DRG1: variants seen among roughly 807,000 people sequenced by gnomAD.
The protein encoded by DRG1 is developmentally regulated GTP binding protein 1, also known as developmentally-regulated GTP-binding protein 1.
DRG1 carries 19 observed loss-of-function variants against 38.8 expected under a neutral mutation model. That is an observed-to-expected ratio of 0.49 (90% CI 0.34 to 0.72). The LOEUF is 0.72. Among genes scored for constraint, DRG1 ranks in the 30% least tolerant of loss-of-function variants. The probability of loss-of-function intolerance (pLI) is 0.01; values close to 1 mark genes in which losing one functional copy is unlikely to be tolerated. For synonymous variants in DRG1, 167 were observed against 157.5 expected, an observed-to-expected ratio of 1.06 and a Z score of -0.45; for missense variants, 299 against 444.8, an observed-to-expected ratio of 0.67 and a Z score of 2.95.
At position 31,409,177 on chromosome 22, in the gene DRG1, C is replaced by T. The variant is rs188638996; in HGVS notation, c.343-1835C>T. Among the ~76,000 whole-genome samples, 7 of 152,262 alleles carry T rather than the reference C, an allele frequency of 4.6e-5. No individual in the cohort carries two copies. The East Asian group carries it at 5.8e-4, about 13-fold the overall frequency. On this transcript the variant is annotated intron_variant, in intron 3 of 8. Coordinates refer to ENST00000331457, the MANE Select transcript of DRG1 (RefSeq NM_004147.4). ...TCGGCTCACTGCAACCTTCGACTGT[C>T]GGGTTCAAGCCATTCTTGTGCCTCA...
At chr22:31,415,517 G>A (rs931140611) in intron 4 of DRG1, among the ~76,000 whole-genome samples, 6 of 152,170 alleles carry the variant, frequency 3.9e-5, no homozygotes, top group East Asian at 3.9e-4. Flanking sequence ...GTGCCACCAC[G>A]CCTGGCTAAT....
chr22:31,418,292 TA>T (rs1242084351), intron 4 of DRG1, among the ~76,000 whole-genome samples: 8 of 150,738 alleles, frequency 5.3e-5, no homozygotes, highest in Admixed American at 4.6e-4. Flanking sequence ...AAATAAAAAT[TA>T]AAAAAAAGAA....
intron 4 of DRG1, among the ~76,000 whole-genome samples, chr22:31,420,015 C>T (rs920305806): frequency 2.0e-5 from 3 of 152,130 alleles, no homozygotes; most frequent in Non-Finnish European, 4.4e-5. Flanking sequence ...TGCACTCCAG[C>T]CTGGGCAACA....
chr22:31,423,188 G>A, intron 5 of DRG1, 92 bp from the exon 6 acceptor site: 1 of 1,513,792 alleles, frequency 6.6e-7, no homozygotes, highest in Non-Finnish European at 9.0e-7. Flanking sequence ...TTGCATCTTA[G>A]CTAGAATTTT....
chr22:31,406,163 G>A (rs1421484522), intron 3 of DRG1, among the ~76,000 whole-genome samples: 2 of 151,456 alleles, frequency 1.3e-5, no homozygotes, highest in Non-Finnish European at 2.9e-5. Context: ...CACCATGCCC[G>A]ACTAATTTTT....
At chr22:31,421,011 GA>G (rs1268187565) in intron 5 of DRG1, among the ~76,000 whole-genome samples, 2 of 152,112 alleles carry the variant, frequency 1.3e-5, no homozygotes, top group African/African-American at 4.8e-5. Flanking sequence ...TGGATATCTT[GA>G]AGAAGAGCAT....
At chr22:31,410,653 A>G (rs888000194) in intron 3 of DRG1, among the ~76,000 whole-genome samples, 4 of 152,100 alleles carry the variant, frequency 2.6e-5, no homozygotes, top group African/African-American at 9.7e-5. Flanking sequence ...GTCTGTACTA[A>G]AAATACAAAA....
chr22:31,403,977 CTTTTTT>C (rs11295429), intron 3 of DRG1, among the ~76,000 whole-genome samples: 82 of 81,802 alleles, frequency 1.0e-3, no homozygotes, highest in African/African-American at 3.7e-3. Flanking sequence ...AAGAGAATAA[CTTTTTT>C]TTTTTTTTTT....
intron 4 of DRG1, among the ~76,000 whole-genome samples, chr22:31,419,399 A>G (rs1036499755): frequency 1.3e-5 from 2 of 151,408 alleles, no homozygotes; most frequent in African/African-American, 4.9e-5. Flanking sequence ...TTTGTTGCAC[A>G]GGCTGGTCTC....
At position 31,434,349 on chromosome 22, in the gene DRG1, C is replaced by A; in HGVS notation, c.*378C>A. 1 of 202,904 alleles carries A rather than the reference C, an allele frequency of 4.9e-6. No homozygotes were observed. Among genetic ancestry groups the A allele is most frequent in the Non-Finnish European group, 1.0e-5 (1 of 99,964 alleles). 12.6% of individuals were successfully genotyped at this position (202,904 alleles called of 1,614,324 possible). On this transcript the variant is annotated 3_prime_UTR_variant, in exon 9 of 9. Coordinates refer to ENST00000331457, the MANE Select transcript of DRG1 (RefSeq NM_004147.4). ...TACTTGATGTTTACTTATGGGAACC[C>A]CTTCCAAACTAGATATGGCTTTCAG...
intron 7 of DRG1, 72 bp from the exon 8 acceptor site, chr22:31,426,988 G>A (rs2050114607): frequency 1.3e-6 from 2 of 1,593,326 alleles, no homozygotes; most frequent in Non-Finnish European, 1.7e-6. Context: ...CAGGGGTGAT[G>A]GAGGGTTGCT....
chr22:31,410,029 AT>A (rs1470207748), intron 3 of DRG1, among the ~76,000 whole-genome samples: 1 of 151,894 alleles, frequency 6.6e-6, no homozygotes, highest in African/African-American at 2.4e-5. Context: ...ATGTAGAATA[AT>A]GGATTTTGGC....
Position 31,429,168 on chromosome 22 carries a change from G to C in DRG1, c.1004+1986G>C, listed in dbSNP as rs1458462515. Among the ~76,000 whole-genome samples, 4 of 152,110 alleles carry C rather than the reference G, an allele frequency of 2.6e-5. 1 individual carries two copies. Among genetic ancestry groups the C allele is most frequent in the Non-Finnish European group, 4.4e-5 (3 of 68,030 alleles). Reference sequence around the variant, plus strand: ...ATGGTGTTTACCTAGCCATAGGCTGGAGTGTAGTGGCACGATATCAGCTCA... The same window carrying C: ...ATGGTGTTTACCTAGCCATAGGCTGCAGTGTAGTGGCACGATATCAGCTCA... On this transcript the variant is annotated intron_variant, in intron 8 of 8. Transcript: ENST00000331457.
rs1405891205 is a variant in DRG1, at chr22:31,418,956, C to T, written c.413-1300C>T. On this transcript the variant is annotated intron_variant, in intron 4 of 8. Coordinates refer to ENST00000331457, the MANE Select transcript of DRG1 (RefSeq NM_004147.4). ...TCAGCGTCCCGAACTGCTGGGATTA[C>T]AGGCGTGAGCCACTGCGCCGGCCAG... Among the ~76,000 whole-genome samples, 4 of 152,290 alleles carry T rather than the reference C, an allele frequency of 2.6e-5. No individual in the cohort carries two copies. In the East Asian group the frequency reaches 5.8e-4, roughly 22 times the overall value.
chr22:31,406,350 C>G (rs1293175716), intron 3 of DRG1, among the ~76,000 whole-genome samples: 2 of 152,148 alleles, frequency 1.3e-5, no homozygotes, highest in Non-Finnish European at 2.9e-5. Context: ...AAGAACTTTA[C>G]ATAAACAAAA....
intron 5 of DRG1, 130 bp from the exon 6 acceptor site, chr22:31,423,150 C>T: frequency 5.3e-6 from 6 of 1,137,226 alleles, no homozygotes; most frequent in Non-Finnish European, 7.5e-6. Context: ...GTCAGTGACA[C>T]TCATCCCGGA....
At chr22:31,431,768 C>T (rs1299225931) in intron 8 of DRG1, among the ~76,000 whole-genome samples, 5 of 152,196 alleles carry the variant, frequency 3.3e-5, no homozygotes, top group Non-Finnish European at 5.9e-5. Context: ...TATAAAACAA[C>T]TATATTCCAC....
At chr22:31,420,121 C>G (rs2145866690) in intron 4 of DRG1, 135 bp from the exon 5 acceptor site, 1 of 888,446 alleles carries the variant, frequency 1.1e-6, no homozygotes, top group Admixed American at 2.9e-5. Flanking sequence ...ATAAGAACTT[C>G]ACGTATGCAT....
intron 4 of DRG1, among the ~76,000 whole-genome samples, chr22:31,413,926 TTC>T (rs1437138958): frequency 6.6e-6 from 1 of 152,038 alleles, no homozygotes; most frequent in East Asian, 1.9e-4. Flanking sequence ...CACCTGTCTA[TTC>T]TTAACAAGAA....
Sources: allele counts gnomAD v4.1 joint callset (sites outside exome capture counted in the v4.1 genomes callset), GRCh38; gene constraint gnomAD v4.1.1; transcripts MANE v1.5; gene names NCBI Gene and HGNC (gene_info 2026-07-23, HGNC 2026-07-21).